The following NIPAL1 variants were observed in gnomAD, a reference collection of about 807,000 sequenced individuals.
NIPAL1 encodes the protein NIPA like domain containing 1.
In NIPAL1, 35 loss-of-function variants were observed where a neutral mutation model predicts 37.7. That is an observed-to-expected ratio of 0.93 (90% confidence interval 0.71 to 1.23). NIPAL1 has a LOEUF of 1.23. Among genes scored for constraint, NIPAL1 ranks in the 50% most tolerant of loss-of-function variants. The pLI, the probability that NIPAL1 is intolerant of heterozygous loss-of-function variation, is 0.00. For synonymous variants in NIPAL1, 162 were observed against 183.0 expected, an observed-to-expected ratio of 0.89 and a Z score of 0.93; for missense variants, 412 against 473.9, an observed-to-expected ratio of 0.87 and a Z score of 1.21.
At chr4:48,030,242 C>A in intron 3 of NIPAL1, 66 bp downstream of exon 3, 1 of 1,013,174 alleles carries the variant, frequency 9.9e-7, no homozygotes, top group Non-Finnish European at 1.5e-6. Context: ...TGAAATTTTT[C>A]ATAATTGGTT....
intron 4 of NIPAL1, among the ~76,000 whole-genome samples, chr4:48,033,754 C>CATAA (rs1390147355): frequency 6.6e-6 from 1 of 152,176 alleles, no homozygotes; most frequent in East Asian, 1.9e-4. Context: ...GTTTGATAAG[C>CATAA]ATATACATTT....
At chr4:48,031,930 G>C (rs1577626426) in intron 3 of NIPAL1, among the ~76,000 whole-genome samples, 1 of 151,978 alleles carries the variant, frequency 6.6e-6, no homozygotes, top group African/African-American at 2.4e-5. Flanking sequence ...GTAGAGATAG[G>C]GTTTCACCAT....
rs1404197619 is a variant in NIPAL1 at position 48,016,791 on chromosome 4, C to A, written c.-49C>A. The A allele has an allele frequency of 2.0e-6, 3 of 1,532,352 alleles. No individual in the cohort carries two copies. In the Admixed American group the frequency reaches 5.8e-5, roughly 30 times the overall value. 94.9% of individuals were successfully genotyped at this position (1,532,352 alleles called of 1,614,324 possible). A position where few individuals can be genotyped will look rare whatever the true frequency, so the allele number is the denominator to read the frequency against. ...CCCGCCGCGGGTGCGTGTGGAGAGG[C>A]CCAGGTGAGGAGCAAGCGCCCGCGT... On this transcript the variant is annotated 5_prime_UTR_variant, in exon 1 of 6. Transcript: ENST00000295461.
intron 3 of NIPAL1, among the ~76,000 whole-genome samples, chr4:48,032,189 A>G (rs1715837300): frequency 6.6e-6 from 1 of 152,250 alleles, no homozygotes; most frequent in African/African-American, 2.4e-5. Context: ...GAAAAAAATC[A>G]TGCTGGTGTT....
Position 48,039,014 on chromosome 4 carries a change from C to T in NIPAL1, c.*2842C>T, listed in dbSNP as rs1716018000. On this transcript the variant is annotated 3_prime_UTR_variant, in exon 6 of 6. Transcript: ENST00000295461. Reference sequence around the variant, plus strand: ...TGTCTACATAAAAGTTACTGATGCACATGCATTAAAAAAAAAAATGTTGTT... The same window carrying T: ...TGTCTACATAAAAGTTACTGATGCATATGCATTAAAAAAAAAAATGTTGTT... 6.6e-6 allele frequency: 1 copy of T among 151,350 alleles called. No individual in the cohort carries two copies. Among genetic ancestry groups the T allele is most frequent in the African/African-American group, 2.4e-5 (1 of 40,884 alleles). The allele number at this position is 151,350 out of a possible 1,614,324, so 9.4% of individuals were successfully genotyped here. A position where few individuals can be genotyped will look rare whatever the true frequency, so the allele number is the denominator to read the frequency against.
chr4:48,021,482 G>A (rs984720469), intron 1 of NIPAL1, among the ~76,000 whole-genome samples: 19 of 152,128 alleles, frequency 1.2e-4, no homozygotes, highest in African/African-American at 4.6e-4. Context: ...ACTTGTCATA[G>A]GGTTCAAATT....
At chr4:48,026,960 C>T (rs6835057) in intron 2 of NIPAL1, among the ~76,000 whole-genome samples, 50,364 of 151,392 alleles carry the variant, frequency 0.33, 8,605 homozygotes, top group South Asian at 0.48. Context: ...TCAGATGATC[C>T]GCCCGCCTCG....
At chr4:48,024,453 A>AT (rs945639530) in intron 1 of NIPAL1, among the ~76,000 whole-genome samples, 1 of 147,872 alleles carries the variant, frequency 6.8e-6, no homozygotes, top group Admixed American at 6.8e-5. Context: ...TAATTTTTCA[A>AT]TTTTTTTTAT....
In NIPAL1 at chr4:48,030,163, A is replaced by G. The variant is rs777185892; in HGVS notation, c.357A>G (p.Val119=). 1.3e-6 allele frequency: 2 copies of G among 1,596,088 alleles called. No homozygotes were observed. Among genetic ancestry groups the G allele is most frequent in the Non-Finnish European group, 1.7e-6 (2 of 1,164,120 alleles). The part of the protein sequence containing the change: ...HSYLKEWLWW[V]GLLSMGAGEA... Reference sequence around the variant, plus strand: ...ACCTGAAGGAATGGCTCTGGTGGGTAGGATTGCTGTCAAGTAAGTTTTTAA... The same window carrying G: ...ACCTGAAGGAATGGCTCTGGTGGGTGGGATTGCTGTCAAGTAAGTTTTTAA... Residue 119 remains valine, a synonymous_variant, in exon 3 of 6, where the codon GTA becomes GTG. Coordinates refer to ENST00000295461, the MANE Select transcript of NIPAL1 (RefSeq NM_207330.3).
At chr4:48,031,608 A>G (rs566374132) in intron 3 of NIPAL1, among the ~76,000 whole-genome samples, 1 of 152,244 alleles carries the variant, frequency 6.6e-6, no homozygotes. Flanking sequence ...AAAAGCATAC[A>G]TTAGAGATTA....
chr4:48,026,698 T>A (rs1321047760), intron 2 of NIPAL1, among the ~76,000 whole-genome samples: 1 of 151,900 alleles, frequency 6.6e-6, no homozygotes, highest in Admixed American at 6.6e-5. Flanking sequence ...CTAGATAGGT[T>A]AGAATTTAAT....
chr4:48,033,282 A>C (rs1403497686), intron 4 of NIPAL1, among the ~76,000 whole-genome samples, 199 bp downstream of exon 4: 1 of 152,188 alleles, frequency 6.6e-6, no homozygotes, highest in African/African-American at 2.4e-5. Flanking sequence ...GGCTCAGTTT[A>C]CTCATTCATA....
Position 48,037,309 on chromosome 4 carries a change from A to G in NIPAL1, c.*1137A>G, listed in dbSNP as rs772654675. ...ATTAATTAACTCAGGTCTGGAAGACATAGGACAAAATGGAGTTTCTGAAGA... is the reference window on the plus strand; with the variant it reads ...ATTAATTAACTCAGGTCTGGAAGACGTAGGACAAAATGGAGTTTCTGAAGA... On this transcript the variant is annotated 3_prime_UTR_variant, in exon 6 of 6. Coordinates refer to ENST00000295461, the MANE Select transcript of NIPAL1 (RefSeq NM_207330.3). 5.3e-5 allele frequency: 22 copies of G among 417,218 alleles called. No homozygotes were observed. The highest frequency in any genetic ancestry group is 3.7e-4 in the African/African-American group (18 of 48,430). The allele number at this position is 417,218 out of a possible 1,614,324, so 25.8% of individuals were successfully genotyped here.
intron 1 of NIPAL1, among the ~76,000 whole-genome samples, chr4:48,018,074 G>A (rs1020339648): frequency 3.9e-5 from 6 of 152,174 alleles, no homozygotes; most frequent in African/African-American, 1.4e-4. Flanking sequence ...TTTTAAGGCC[G>A]CTGGATCTAG....
chr4:48,024,362 T>C (rs984422193), intron 1 of NIPAL1, among the ~76,000 whole-genome samples: 6 of 152,108 alleles, frequency 3.9e-5, no homozygotes, highest in African/African-American at 1.2e-4. Flanking sequence ...CGCTGCAGCT[T>C]CATCCTCCTG....
intron 1 of NIPAL1, among the ~76,000 whole-genome samples, chr4:48,017,863 CATAT>C (rs5858100): frequency 0.33 from 49,174 of 150,954 alleles, 8,281 homozygotes; most frequent in South Asian, 0.48. Flanking sequence ...TTCCCTTACA[CATAT>C]ATATATATAT....
rs1250359615 is a variant in NIPAL1 at position 48,035,569 on chromosome 4, T to C, written c.630T>C (p.Ile210=). 6.2e-7 allele frequency: 1 copy of C among 1,601,416 alleles called. No homozygotes were observed. Among genetic ancestry groups the C allele is most frequent in the Admixed American group, 1.8e-5 (1 of 55,198 alleles). Residue 210 remains isoleucine, a synonymous_variant, in exon 6 of 6, where the codon ATT becomes ATC. Transcript: ENST00000295461. ...CTTTTCTCCTTCTAACAGGGTTTAT[T>C]TCCTTTGCTGTGATCATAACTGTGA... The part of the protein sequence containing the change: ...MEMKLRDPGF[I]SFAVIITVIS...
At chr4:48,021,968 G>A (rs1715582124) in intron 1 of NIPAL1, among the ~76,000 whole-genome samples, 2 of 151,890 alleles carry the variant, frequency 1.3e-5, no homozygotes, top group Admixed American at 1.3e-4. Context: ...CAAAGAAGAA[G>A]TACATGTTCG....
rs1332087324 is a variant in NIPAL1 at position 48,040,008 on chromosome 4, G to A, written c.*3836G>A. On this transcript the variant is annotated 3_prime_UTR_variant, in exon 6 of 6. Transcript: ENST00000295461. ...AATGCTATTTAGCCCCGCCAACAAA[G>A]CTTTGTGGAAAAATATATGAATATA... 1.3e-5 allele frequency: 2 copies of A among 152,032 alleles called. No homozygotes were observed. Among genetic ancestry groups the A allele is most frequent in the South Asian group, 2.1e-4 (1 of 4,822 alleles). The allele number at this position is 152,032 out of a possible 1,614,324, so 9.4% of individuals were successfully genotyped here. A position where few individuals can be genotyped will look rare whatever the true frequency, so the allele number is the denominator to read the frequency against.
Sources: gnomAD v4.1 joint callset for allele counts (sites outside exome capture counted in the v4.1 genomes callset) on GRCh38, gnomAD v4.1.1 for gene constraint, MANE v1.5 for transcripts, NCBI Gene and HGNC (gene_info 2026-07-23, HGNC 2026-07-21) for gene names.